WDR87: variants seen among roughly 807,000 people sequenced by gnomAD.
WDR87 encodes WD repeat domain 87.
A neutral mutation model predicts 83.3 loss-of-function variants in WDR87; 56 were observed. That is an observed-to-expected ratio of 0.67 (90% CI 0.54 to 0.84). The LOEUF is 0.84. WDR87 is among the 40% of genes least tolerant of loss of function. The probability of loss-of-function intolerance (pLI) is 0.00; values close to 1 mark genes in which losing one functional copy is unlikely to be tolerated. For missense variants in WDR87, 2,939 were observed against 3,431.9 expected (o/e 0.86, Z 3.59); for synonymous variants, 1,173 against 1,250.6 (o/e 0.94, Z 1.31).
rs1430251416 is a variant in WDR87, at chr19:37,886,799, T to C, written c.6872A>G (p.Glu2291Gly). The change falls in exon 6 of 6, where the codon GAG becomes GGG. Residue 2291 changes from glutamate (E) to glycine (G), a missense_variant. Coordinates refer to ENST00000447313, the MANE Select transcript of WDR87 (RefSeq NM_001291088.2). ...CTCCTCCTCCCTTTCCTCTTCTTCC[T>C]CCCTTTCCTCCTCCTCCTCAGAAGA... ...SLSSEEEEEREEEEEREEEEE... is the reference protein window; with the variant it reads ...SLSSEEEEERGEEEEREEEEE... 2.6e-6 allele frequency: 4 copies of C among 1,546,278 alleles called. No homozygotes were observed. Among genetic ancestry groups the C allele is most frequent in the East Asian group, 4.9e-5 (2 of 40,698 alleles).
At chr19:37,905,667 A>C (rs1018862677) in intron 1 of WDR87, among the ~76,000 whole-genome samples, 1 of 152,004 alleles carries the variant, frequency 6.6e-6, no homozygotes. Flanking sequence ...GGCTTAAGCG[A>C]TACTCAGCCT....
rs191962438 is a variant in WDR87 at position 37,895,714 on chromosome 19, C to T, written c.247-258G>A. On this transcript the variant is annotated intron_variant, in intron 3 of 5. Transcript: ENST00000447313. ...TTTGGGAGGCAAAGGCTGCAGTGAG[C>T]CAAGATTGCGCCACTGCACTCCAGC... 2.8e-5 allele frequency among the ~76,000 whole-genome samples: 4 copies of T among 143,548 alleles called. No individual in the cohort carries two copies. The East Asian group carries it at 8.2e-4, about 29-fold the overall frequency. The allele number at this position is 143,548 out of a possible 152,430, so 94.2% of individuals were successfully genotyped here. A position where few individuals can be genotyped will look rare whatever the true frequency, so the allele number is the denominator to read the frequency against.
Position 37,885,255 on chromosome 19 carries a change from T to C in WDR87, c.8416A>G (p.Arg2806Gly), listed in dbSNP as rs766850781. 6.6e-7 allele frequency: 1 copy of C among 1,520,438 alleles called. No homozygotes were observed. Among genetic ancestry groups the C allele is most frequent in the Non-Finnish European group, 8.8e-7 (1 of 1,134,332 alleles). 94.2% of individuals were successfully genotyped at this position (1,520,438 alleles called of 1,614,324 possible). A position where few individuals can be genotyped will look rare whatever the true frequency, so the allele number is the denominator to read the frequency against. ...LMDLYQLKSP[R>G]IQKLLQELLM... The stretch of plus-strand genomic sequence containing the variant: ...AGCTCCTGAAGCAGCTTCTGGATTC[T>C]GGGGGACTTAAGTTGGTACAGGTCC... The change falls in exon 6 of 6, where the codon AGA becomes GGA. Residue 2806 changes from arginine (R) to glycine (G), a missense_variant. Arg to Gly is a moderately radical substitution (Grantham distance 125, BLOSUM62 -2). Transcript: ENST00000447313.
Position 37,885,975 on chromosome 19 carries a change from A to G in WDR87, c.7696T>C (p.Trp2566Arg), listed in dbSNP as rs2046141136. 1.9e-6 allele frequency: 3 copies of G among 1,551,838 alleles called. No homozygotes were observed. Among genetic ancestry groups the G allele is most frequent in the Non-Finnish European group, 8.7e-7 (1 of 1,147,016 alleles). The change falls in exon 6 of 6, where the codon TGG becomes CGG. Residue 2566 changes from tryptophan to arginine, a missense_variant. This residue lies in a region of WDR87 where 2,160 missense variants were observed against 2,533.1 expected (regional missense o/e 0.85). Transcript: ENST00000447313. ...ATTCGTTCTAGGACATGGCGGATCCACTCTACATCTGAGAGGCTTACGTCT... is the reference window on the plus strand; with the variant it reads ...ATTCGTTCTAGGACATGGCGGATCCGCTCTACATCTGAGAGGCTTACGTCT... Reference protein sequence around the residue: ...HADVSLSDVEWIRHVLERMEA... With the variant: ...HADVSLSDVERIRHVLERMEA...
chr19:37,895,226 CG>C lies in WDR87; in HGVS notation c.476del (p.Pro159ArgfsTer3). The C allele has an allele frequency of 1.3e-6, 2 of 1,551,694 alleles. No individual in the cohort carries two copies. The highest frequency in any genetic ancestry group is 2.4e-5 in the South Asian group (2 of 84,056). ...TGCCAGACAGAAGCATCTTCATTTC[CG>C]GGTCATAGCAGAGGCAGCTGATGTT... is the stretch of plus-strand genomic sequence containing the variant. Reference protein sequence around the residue: ...RFNISCLCYDPEMKMLLSGIL... With the variant: ...RFNISCLCYDXEMKMLLSGIL... On this transcript the variant is annotated frameshift_variant, in exon 4 of 6. Coordinates refer to ENST00000447313, the MANE Select transcript of WDR87 (RefSeq NM_001291088.2). LOFTEE classifies it high-confidence loss of function.
chr19:37,897,384 A>G (rs1477430499), intron 2 of WDR87, among the ~76,000 whole-genome samples: 1 of 151,542 alleles, frequency 6.6e-6, no homozygotes, highest in Non-Finnish European at 1.5e-5. Flanking sequence ...AATACTTTGT[A>G]TTTTTAGTAG....
At chr19:37,898,548 A>G (rs2046273359) in intron 1 of WDR87, among the ~76,000 whole-genome samples, 1 of 152,190 alleles carries the variant, frequency 6.6e-6, no homozygotes, top group Non-Finnish European at 1.5e-5. Flanking sequence ...AGTAACATAT[A>G]TGGGTGAGAG....
intron 1 of WDR87, among the ~76,000 whole-genome samples, chr19:37,904,509 C>T (rs751114088): frequency 1.3e-5 from 2 of 152,112 alleles, no homozygotes; most frequent in Non-Finnish European, 2.9e-5. Flanking sequence ...CAGGCGTGCG[C>T]CACCACACCC....
Position 37,886,018 on chromosome 19 carries a change from T to A in WDR87, c.7653A>T (p.Pro2551=). The A allele has an allele frequency of 6.4e-7, 1 of 1,551,820 alleles. No homozygotes were observed. The highest frequency in any genetic ancestry group is 8.7e-7 in the Non-Finnish European group (1 of 1,147,008). The change falls in exon 6 of 6, where the codon CCA becomes CCT. Residue 2551 remains proline, a synonymous_variant. Coordinates refer to ENST00000447313, the MANE Select transcript of WDR87 (RefSeq NM_001291088.2). ...TTACGTCTGCATGTTGTTCCTTAGC[T>A]GGGATTTGGGAGAGAGGTAACTGTA... ...TEVQLPLSQI[P]AKEQHADVSL... is the part of the protein sequence containing the mutation.
At chr19:37,906,326 A>G (rs2046328577) in intron 1 of WDR87, among the ~76,000 whole-genome samples, 173 bp downstream of exon 1, 1 of 152,176 alleles carries the variant, frequency 6.6e-6, no homozygotes, top group Non-Finnish European at 1.5e-5. Context: ...AATGCAAGAT[A>G]ACAAGGCCCC....
In WDR87 at chr19:37,893,556, G is replaced by C; in HGVS notation, c.2147C>G (p.Pro716Arg). 6.4e-7 allele frequency: 1 copy of C among 1,551,734 alleles called. No homozygotes were observed. The highest frequency in any genetic ancestry group is 8.7e-7 in the Non-Finnish European group (1 of 1,147,042). ...FFFSFETMFV[P>R]KYIYPGQAQQ... is the part of the protein sequence containing the mutation. ...CGCTTGTCCAGGGTAGATGTACTTG[G>C]GCACAAACATGGTCTCAAAGGAGAA... is the stretch of plus-strand genomic sequence containing the variant. Residue 716 changes from proline (P) to arginine (R), a missense_variant, in exon 4 of 6, where the codon CCC becomes CGC. Around this residue, in one of 3 missense-constraint regions of WDR87, gnomAD observed 553 missense variants for 577.9 expected, o/e 0.96. Transcript: ENST00000447313.
In WDR87 at chr19:37,898,263, C is replaced by T; in HGVS notation, c.-24G>A. On this transcript the variant is annotated 5_prime_UTR_variant, in exon 2 of 6. Coordinates refer to ENST00000447313, the MANE Select transcript of WDR87 (RefSeq NM_001291088.2). ...ATCACCGTCAGACTCCCTTGGCCCT[C>T]CTGAGGACTGTTGCTTAAAAACCTG... is the stretch of plus-strand genomic sequence containing the variant. The T allele has an allele frequency of 2.6e-6, 4 of 1,549,394 alleles. No individual in the cohort carries two copies. The highest frequency in any genetic ancestry group is 3.5e-6 in the Non-Finnish European group (4 of 1,146,184).
chr19:37,894,676 C>T lies in WDR87; in HGVS notation c.1027G>A (p.Ala343Thr). Residue 343 changes from alanine (A) to threonine (T), a missense_variant, in exon 4 of 6, where the codon GCC (alanine) becomes ACC (threonine). Around this residue, in one of 3 missense-constraint regions of WDR87, gnomAD observed 553 missense variants for 577.9 expected, o/e 0.96. Coordinates refer to ENST00000447313, the MANE Select transcript of WDR87 (RefSeq NM_001291088.2). ...IDSITFFCQT[A>T]HSFSLHRLPC... is the part of the protein sequence containing the mutation. ...AGGCGGTGCAAGGAAAAACTATGGG[C>T]AGTTTGGCAGAAGAAAGTAATGCTG... 2 of 1,551,726 alleles carry T rather than the reference C, an allele frequency of 1.3e-6. No homozygotes were observed. The highest frequency in any genetic ancestry group is 1.4e-5 in the African/African-American group (1 of 73,148).
In WDR87 at chr19:37,884,923, A is replaced by G; in HGVS notation, c.*9T>C. 7.8e-7 allele frequency: 1 copy of G among 1,284,866 alleles called. No homozygotes were observed. The highest frequency in any genetic ancestry group is 9.9e-7 in the Non-Finnish European group (1 of 1,008,802). 79.6% of individuals were successfully genotyped at this position (1,284,866 alleles called of 1,614,324 possible). On this transcript the variant is annotated 3_prime_UTR_variant, in exon 6 of 6. Coordinates refer to ENST00000447313, the MANE Select transcript of WDR87 (RefSeq NM_001291088.2). ...CAATGAAAAGTCCCAGCCTCCAGTC[A>G]GTCCCAAATTAGAGAGTGGGAGCAA...
rs1051909771 is a variant in WDR87, at chr19:37,894,271, A to G, written c.1432T>C (p.Phe478Leu). 1.9e-6 allele frequency: 3 copies of G among 1,551,652 alleles called. No homozygotes were observed. The highest frequency in any genetic ancestry group is 1.2e-5 in the South Asian group (1 of 84,064). ...ATCACACCACTCTGGTGCCCAGAGA[A>G]TATCAGTCCCTCTAGACCCCGCCCC... Reference protein sequence around the residue: ...NLGRGLEGLIFSGHQSGVIRV... With the variant: ...NLGRGLEGLILSGHQSGVIRV... Residue 478 changes from phenylalanine (F) to leucine (L), a missense_variant, in exon 4 of 6, where the codon TTC becomes CTC. By Grantham distance (22) the Phe-to-Leu change is conservative (BLOSUM62 0). Around this residue, in one of 3 missense-constraint regions of WDR87, gnomAD observed 553 missense variants for 577.9 expected, o/e 0.96. Transcript: ENST00000447313.
At chr19:37,901,057 T>A (rs1345625223) in intron 1 of WDR87, among the ~76,000 whole-genome samples, 7 of 149,842 alleles carry the variant, frequency 4.7e-5, no homozygotes, top group African/African-American at 1.7e-4. Flanking sequence ...GAGGATCACT[T>A]GAGCTCAGGA....
In WDR87 at chr19:37,893,332, G is replaced by A. The variant is rs1374703924; in HGVS notation, c.2371C>T (p.Gln791Ter). 4 of 1,551,608 alleles carry A rather than the reference G, an allele frequency of 2.6e-6. No individual in the cohort carries two copies. In the Admixed American group the frequency reaches 7.8e-5, roughly 30 times the overall value. Reference protein sequence around the residue: ...RYQCHYVLPPQLQLTSWDGLN... With the variant: ...RYQCHYVLPP The stretch of plus-strand genomic sequence containing the variant: ...CCATCCCAGCTAGTCAGTTGTAGCT[G>A]GGGAGGAAGCACATAATGGCATTGG... Residue 791 changes from glutamine to a stop codon, truncating the protein, a stop_gained, in exon 4 of 6, where the codon CAG (glutamine) becomes TAG (stop). Transcript: ENST00000447313. LOFTEE classifies it high-confidence loss of function.
In WDR87 at chr19:37,885,933, G is replaced by A; in HGVS notation, c.7738C>T (p.Leu2580Phe). ...VLERMEAGEQ[L>F]SRDGFHRLCQ... Reference sequence around the variant, plus strand: ...AGTCTATGGAAACCATCCCTGGAAAGCTGTTCTCCCGCTTCCATTCGTTCT... The same window carrying A: ...AGTCTATGGAAACCATCCCTGGAAAACTGTTCTCCCGCTTCCATTCGTTCT... The change falls in exon 6 of 6, where the codon CTT becomes TTT. Residue 2580 changes from leucine (L) to phenylalanine (F), a missense_variant. Transcript: ENST00000447313. 1 of 1,552,316 alleles carries A rather than the reference G, an allele frequency of 6.4e-7. No individual in the cohort carries two copies. The highest frequency in any genetic ancestry group is 2.0e-5 in the Admixed American group (1 of 51,008).
chr19:37,896,049 G>C, intron 3 of WDR87, 89 bp downstream of exon 3: 8 of 1,468,654 alleles, frequency 5.4e-6, no homozygotes, highest in Middle Eastern at 1.7e-4. Context: ...CATCCATGGG[G>C]AATATCCTCC....
Sources: gnomAD v4.1 joint callset for allele counts (sites outside exome capture counted in the v4.1 genomes callset) on GRCh38, gnomAD v4.1.1 for gene constraint, gnomAD v4.1.1 regional missense constraint, MANE v1.5 for transcripts, NCBI Gene and HGNC (gene_info 2026-07-23, HGNC 2026-07-21) for gene names.